The following KCNB2 variants were observed in gnomAD, a reference collection of about 807,000 sequenced individuals.
The protein encoded by KCNB2 is delayed rectifier potassium channel protein.
A neutral mutation model predicts 61.5 loss-of-function variants in KCNB2; 15 were observed. The ratio of observed to expected loss-of-function variants is 0.24; its 90% confidence interval spans 0.16 to 0.38. The LOEUF (loss-of-function observed/expected upper bound fraction) is 0.38. Ranked by LOEUF, KCNB2 falls within the 10% of genes least tolerant of loss-of-function variation. KCNB2 has a pLI of 1.00. For synonymous variants in KCNB2, 457 were observed against 446.0 expected, an observed-to-expected ratio of 1.02 and a Z score of -0.31; for missense variants, 828 against 1,125.2, an observed-to-expected ratio of 0.74 and a Z score of 3.78.
At chr8:72,726,265 A>G (rs1019491440) in intron 2 of KCNB2, among the ~76,000 whole-genome samples, 4 of 152,214 alleles carry the variant, frequency 2.6e-5, no homozygotes, top group Non-Finnish European at 5.9e-5. Context: ...CAAATCAGGA[A>G]GAGACCCCTC....
intron 2 of KCNB2, among the ~76,000 whole-genome samples, chr8:72,807,026 G>A (rs879575920): frequency 2.6e-5 from 4 of 152,120 alleles, no homozygotes; most frequent in African/African-American, 7.2e-5. Context: ...ATAAAGATTG[G>A]CATGAAGGAA....
chr8:72,548,497 C>T (rs1806295684), intron 1 of KCNB2, among the ~76,000 whole-genome samples: 1 of 152,138 alleles, frequency 6.6e-6, no homozygotes, highest in African/African-American at 2.4e-5. Context: ...TAGTCCAGGC[C>T]ACCTTCTGGG....
At chr8:72,547,427 A>C (rs2128976973) in intron 1 of KCNB2, among the ~76,000 whole-genome samples, 1 of 152,246 alleles carries the variant, frequency 6.6e-6, no homozygotes, top group South Asian at 2.1e-4. Context: ...TTAATTAAAA[A>C]CCTTCTGGAA....
intron 2 of KCNB2, among the ~76,000 whole-genome samples, chr8:72,912,156 A>T: frequency 6.6e-6 from 1 of 152,258 alleles, no homozygotes; most frequent in East Asian, 1.9e-4. Flanking sequence ...TCATTTTCAC[A>T]TGATTCCTTC....
intron 2 of KCNB2, among the ~76,000 whole-genome samples, chr8:72,851,747 G>A (rs994506669): frequency 2.7e-5 from 4 of 146,874 alleles, no homozygotes; most frequent in African/African-American, 1.0e-4. Flanking sequence ...CACTCCTTTG[G>A]AGGGGAGAGC....
intron 2 of KCNB2, among the ~76,000 whole-genome samples, chr8:72,915,217 G>C (rs2981123): frequency 0.59 from 89,229 of 151,476 alleles, 27,501 homozygotes; most frequent in Middle Eastern, 0.7. Context: ...CCACTGCGCC[G>C]AGCATGACTG....
chr8:72,786,367 T>C (rs1325100371), intron 2 of KCNB2, among the ~76,000 whole-genome samples: 1 of 152,134 alleles, frequency 6.6e-6, no homozygotes, highest in Non-Finnish European at 1.5e-5. Flanking sequence ...TTCGGTGAAT[T>C]TGAAATGCTC....
intron 2 of KCNB2, among the ~76,000 whole-genome samples, chr8:72,610,792 A>G (rs1000291491): frequency 1.3e-5 from 2 of 152,216 alleles, no homozygotes; most frequent in Non-Finnish European, 2.9e-5. Flanking sequence ...TTCAGAAGAC[A>G]AGTGGTTTAC....
At chr8:72,720,303 ATTC>A (rs969524664) in intron 2 of KCNB2, among the ~76,000 whole-genome samples, 14 of 152,136 alleles carry the variant, frequency 9.2e-5, no homozygotes, top group Non-Finnish European at 1.5e-4. Context: ...GAAGACATGT[ATTC>A]TTCTTTCCAT....
intron 2 of KCNB2, among the ~76,000 whole-genome samples, chr8:72,745,135 GC>G (rs1808036404): frequency 6.6e-6 from 1 of 152,208 alleles, no homozygotes; most frequent in African/African-American, 2.4e-5. Context: ...GAGAACTGGT[GC>G]CAACTACCCA....
chr8:72,733,656 A>G lies in KCNB2; in HGVS notation c.579+165343A>G, dbSNP rs375510347. On this transcript the variant is annotated intron_variant, in intron 2 of 2. Transcript: ENST00000523207. Reference sequence around the variant, plus strand: ...CCGGCACCCTGTAGACATGTTCTACATGTTGACACTCCAAAACCATCCCTT... The same window carrying G: ...CCGGCACCCTGTAGACATGTTCTACGTGTTGACACTCCAAAACCATCCCTT... Among the ~76,000 whole-genome samples, 26 of 152,262 alleles carry G rather than the reference A, an allele frequency of 1.7e-4. No homozygotes were observed. The East Asian group carries it at 3.7e-3, about 22-fold the overall frequency.
At chr8:72,833,248 A>G (rs1428152500) in intron 2 of KCNB2, among the ~76,000 whole-genome samples, 2 of 152,204 alleles carry the variant, frequency 1.3e-5, no homozygotes, top group African/African-American at 4.8e-5. Context: ...AGGAAGCTTC[A>G]GGAACTTTGA....
At chr8:72,680,207 T>C (rs1806728996) in intron 2 of KCNB2, among the ~76,000 whole-genome samples, 3 of 152,090 alleles carry the variant, frequency 2.0e-5, no homozygotes, top group Admixed American at 2.0e-4. Context: ...CCATTTGAGG[T>C]ACCCTAAAGG....
intron 1 of KCNB2, among the ~76,000 whole-genome samples, chr8:72,560,959 C>G (rs1359650293): frequency 6.6e-6 from 1 of 151,864 alleles, no homozygotes; most frequent in Non-Finnish European, 1.5e-5. Context: ...ATTACGGGGT[C>G]TAAACAAAAT....
chr8:72,810,344 C>T (rs1375403704), intron 2 of KCNB2, among the ~76,000 whole-genome samples: 2 of 152,194 alleles, frequency 1.3e-5, no homozygotes, highest in African/African-American at 4.8e-5. Flanking sequence ...GAAACCTGGA[C>T]TGTCGCTGAT....
intron 2 of KCNB2, among the ~76,000 whole-genome samples, chr8:72,703,580 C>G (rs1807169540): frequency 6.6e-6 from 1 of 152,148 alleles, no homozygotes; most frequent in Admixed American, 6.6e-5. Flanking sequence ...CAGACAGTTC[C>G]CAGAGAGGGT....
intron 2 of KCNB2, among the ~76,000 whole-genome samples, chr8:72,719,556 T>TA (rs915412411): frequency 3.2e-4 from 49 of 152,042 alleles, no homozygotes; most frequent in South Asian, 2.1e-3. Flanking sequence ...ATATGTATAT[T>TA]AAAAAAAACT....
Position 72,889,785 on chromosome 8 carries a change from C to T in KCNB2, c.580-46150C>T, listed in dbSNP as rs545122832. ...CTCCATTTATATATATATATGGAGTCTCACTTTGTTGCCCATCTGGAGTGC... is the reference window on the plus strand; with the variant it reads ...CTCCATTTATATATATATATGGAGTTTCACTTTGTTGCCCATCTGGAGTGC... On this transcript the variant is annotated intron_variant, in intron 2 of 2. Transcript: ENST00000523207. Among the ~76,000 whole-genome samples, 3 of 152,264 alleles carry T rather than the reference C, an allele frequency of 2.0e-5. No individual in the cohort carries two copies. The East Asian group carries it at 5.8e-4, about 29-fold the overall frequency.
intron 2 of KCNB2, among the ~76,000 whole-genome samples, chr8:72,767,817 T>C (rs1399232866): frequency 1.3e-5 from 2 of 152,216 alleles, no homozygotes; most frequent in Non-Finnish European, 2.9e-5. Flanking sequence ...GCCTGCATAA[T>C]TTTGCATTCC....
Sources: gnomAD v4.1 joint callset for allele counts (sites outside exome capture counted in the v4.1 genomes callset) on GRCh38, gnomAD v4.1.1 for gene constraint, MANE v1.5 for transcripts, NCBI Gene and HGNC (gene_info 2026-07-23, HGNC 2026-07-21) for gene names.